SDR39U1: variants seen among roughly 807,000 people sequenced by gnomAD.
SDR39U1 encodes the protein short chain dehydrogenase/reductase family 39U member 1.
A neutral mutation model predicts 31.7 loss-of-function variants in SDR39U1; 29 were observed. The observed-to-expected ratio is 0.92, with a 90% CI of 0.68 to 1.25. The LOEUF (loss-of-function observed/expected upper bound fraction) is 1.25. SDR39U1 is among the 50% of genes most tolerant of loss of function. SDR39U1 has a pLI of 0.00. For synonymous variants in SDR39U1, 147 were observed against 159.0 expected (o/e 0.92, Z 0.57); for missense variants, 403 against 378.4 (o/e 1.06, Z -0.54).
intron 3 of SDR39U1, 185 bp downstream of exon 3, chr14:24,441,993 A>C: frequency 7.1e-7 from 1 of 1,417,560 alleles, no homozygotes; most frequent in African/African-American, 1.4e-5. Flanking sequence ...GTGAGGACTT[A>C]AGCCAATTGG....
At position 24,440,253 on chromosome 14, in the gene SDR39U1, G is replaced by A. The variant is rs976930611; in HGVS notation, c.712C>T (p.Arg238Cys). Reference protein sequence around the residue: ...FAQTLGAALGRRAFIPLPSAV... With the variant: ...FAQTLGAALGCRAFIPLPSAV... The stretch of plus-strand genomic sequence containing the variant: ...CTGGGGAGAGGGATGAAGGCTCGGC[G>A]GCCCAGGGCAGCACCCAAGGTCTGG... Residue 238 changes from arginine to cysteine, a missense_variant, in exon 6 of 6, where the codon CGC (arginine) becomes TGC (cysteine). By Grantham distance (180) the Arg-to-Cys change is radical (BLOSUM62 -3). Coordinates refer to ENST00000399395, the MANE Select transcript of SDR39U1 (RefSeq NM_020195.3). 8 of 1,613,798 alleles carry A rather than the reference G, an allele frequency of 5.0e-6. No individual in the cohort carries two copies. The highest frequency in any genetic ancestry group is 2.7e-5 in the African/African-American group (2 of 75,030).
chr14:24,441,246 T>G, intron 4 of SDR39U1: 2 of 470,010 alleles, frequency 4.3e-6, no homozygotes, highest in Non-Finnish European at 7.7e-6. Context: ...TTAACCTCTC[T>G]GTATAGAATT....
intron 5 of SDR39U1, 56 bp downstream of exon 5, chr14:24,440,727 T>C: frequency 1.9e-6 from 3 of 1,588,046 alleles, no homozygotes; most frequent in Non-Finnish European, 2.6e-6. Context: ...TCCCATCACT[T>C]CCCCAGCCCA....
rs759336437 is a variant in SDR39U1, at chr14:24,442,504, G to A, written c.17-52C>T. On this transcript the variant is annotated intron_variant, in intron 1 of 5. Transcript: ENST00000399395. The stretch of plus-strand genomic sequence containing the variant: ...ATTCCCGTGGAGTTGGGGTGGGGGC[G>A]CCTTCCGTCCCCGCTGTGGCACCCT... 1.9e-5 allele frequency: 29 copies of A among 1,508,330 alleles called. No individual in the cohort carries two copies. In the South Asian group the frequency reaches 2.9e-4, roughly 15 times the overall value. 93.4% of individuals were successfully genotyped at this position (1,508,330 alleles called of 1,614,324 possible).
chr14:24,441,052 T>A (rs1262901177), intron 4 of SDR39U1, 126 bp from the exon 5 acceptor site: 3 of 1,060,720 alleles, frequency 2.8e-6, no homozygotes, highest in Non-Finnish European at 4.3e-6. Context: ...ACAGAGCCAT[T>A]TGGATATTTT....
chr14:24,440,877 T>G lies in SDR39U1; in HGVS notation c.378A>C (p.Gly126=). The G allele has an allele frequency of 6.2e-7, 1 of 1,614,016 alleles. No individual in the cohort carries two copies. Among genetic ancestry groups the G allele is most frequent in the Non-Finnish European group, 8.5e-7 (1 of 1,179,884 alleles). Residue 126 remains glycine, a synonymous_variant, in exon 5 of 6, where the codon GGA becomes GGC. Transcript: ENST00000399395. ...LTAEYDEDSP[G]GDFDFFSNLV... ...GGTTGGAGAAAAAGTCAAAGTCCCC[T>G]CCTGGGCTGTCTTCATCATACTCCG...
rs764537115 is a variant in SDR39U1, at chr14:24,440,160, G to A, written c.805C>T (p.Pro269Ser). Residue 269 changes from proline (P) to serine (S), a missense_variant, in exon 6 of 6, where the codon CCA (proline) becomes TCA (serine). Physicochemically the swap from Pro to Ser is moderately conservative, Grantham distance 74. Coordinates refer to ENST00000399395, the MANE Select transcript of SDR39U1 (RefSeq NM_020195.3). ...IMLLEGQKVI[P>S]QRTLATGYQY... ...TAGCCAGTGGCCAGTGTTCGCTGTG[G>A]GATCACCTTCTGGCCCTCCAGCAGC... is the stretch of plus-strand genomic sequence containing the variant. 1.9e-6 allele frequency: 3 copies of A among 1,613,602 alleles called. No individual in the cohort carries two copies. Among genetic ancestry groups the A allele is most frequent in the Non-Finnish European group, 1.7e-6 (2 of 1,179,710 alleles).
intron 5 of SDR39U1, 32 bp from the exon 6 acceptor site, chr14:24,440,524 C>A: frequency 6.3e-7 from 1 of 1,577,146 alleles, no homozygotes; most frequent in Non-Finnish European, 8.6e-7. Flanking sequence ...GTACAGGGGT[C>A]CTCTCAGCCT....
rs761000188 is a variant in SDR39U1, at chr14:24,441,686, C to G, written c.316G>C (p.Val106Leu). 23 of 1,587,168 alleles carry G rather than the reference C, an allele frequency of 1.4e-5. No homozygotes were observed. The highest frequency in any genetic ancestry group is 1.6e-5 in the Non-Finnish European group (19 of 1,172,622). Residue 106 changes from valine to leucine, a missense_variant, in exon 4 of 6, where the codon GTC (valine) becomes CTC (leucine). By Grantham distance (32) the Val-to-Leu change is conservative. Coordinates refer to ENST00000399395, the MANE Select transcript of SDR39U1 (RefSeq NM_020195.3). ...APQPPKAWVLVTGVAYYQPSL... is the reference protein window; with the variant it reads ...APQPPKAWVLLTGVAYYQPSL... ...TTGGGGGGCGTACCTACACCTGTGA[C>G]TAAGACCCAGGCCTTGGGGGGTTGT...
chr14:24,440,748 T>A (rs776791842), intron 5 of SDR39U1, 35 bp downstream of exon 5: 2 of 1,609,968 alleles, frequency 1.2e-6, no homozygotes, highest in East Asian at 4.5e-5. Flanking sequence ...GAGAAGACAT[T>A]CCAACCCTGT....
At chr14:24,440,610 G>T (rs2043304172) in intron 5 of SDR39U1, 118 bp from the exon 6 acceptor site, 2 of 1,389,978 alleles carry the variant, frequency 1.4e-6, no homozygotes, top group Admixed American at 2.1e-5. Flanking sequence ...CTCTGTAACA[G>T]AAGTGAGCAG....
At chr14:24,441,093 T>C (rs1245216878) in intron 4 of SDR39U1, 167 bp from the exon 5 acceptor site, 3 of 730,094 alleles carry the variant, frequency 4.1e-6, no homozygotes, top group Non-Finnish European at 4.6e-6. Context: ...CCTGAAGCGT[T>C]CCTTCCCTGG....
chr14:24,439,927 A>G lies in SDR39U1; in HGVS notation c.*156T>C. On this transcript the variant is annotated 3_prime_UTR_variant, in exon 6 of 6. Coordinates refer to ENST00000399395, the MANE Select transcript of SDR39U1 (RefSeq NM_020195.3). ...CCAACCTGATGAGATTACGGCCTTG[A>G]GACAATAAGGTGGAGCAACAGAACA... is the stretch of plus-strand genomic sequence containing the variant. 1.6e-6 allele frequency: 1 copy of G among 624,684 alleles called. No homozygotes were observed. 38.7% of individuals were successfully genotyped at this position (624,684 alleles called of 1,614,324 possible).
intron 1 of SDR39U1, 131 bp downstream of exon 1, chr14:24,442,623 T>C (rs2043385355): frequency 2.3e-6 from 3 of 1,304,586 alleles, no homozygotes; most frequent in Non-Finnish European, 3.3e-6. Context: ...ATTAGGGAGA[T>C]TCGGCTTCTC....
rs1354114766 is a variant in SDR39U1, at chr14:24,440,143, G to C, written c.822C>G (p.Ala274=). The C allele has an allele frequency of 6.2e-7, 1 of 1,613,226 alleles. No homozygotes were observed. Among genetic ancestry groups the C allele is most frequent in the African/African-American group, 1.3e-5 (1 of 74,942 alleles). The change falls in exon 6 of 6, where the codon GCC becomes GCG. Residue 274 remains alanine (A), a synonymous_variant. Coordinates refer to ENST00000399395, the MANE Select transcript of SDR39U1 (RefSeq NM_020195.3). ...GQKVIPQRTL[A]TGYQYSFPEL... ...CTGGGAAGGAATACTGGTAGCCAGT[G>C]GCCAGTGTTCGCTGTGGGATCACCT... is the stretch of plus-strand genomic sequence containing the variant.
At chr14:24,440,614 T>G (rs1446646656) in intron 5 of SDR39U1, 122 bp from the exon 6 acceptor site, 1 of 1,374,794 alleles carries the variant, frequency 7.3e-7, no homozygotes, top group Non-Finnish European at 1.0e-6. Context: ...GTAACAGAAG[T>G]GAGCAGTATG....
chr14:24,439,897 A>G lies in SDR39U1; in HGVS notation c.*186T>C, dbSNP rs2043268435. 1.8e-6 allele frequency: 1 copy of G among 554,918 alleles called. No homozygotes were observed. The highest frequency in any genetic ancestry group is 3.1e-6 in the Non-Finnish European group (1 of 319,758). 34.4% of individuals were successfully genotyped at this position (554,918 alleles called of 1,614,324 possible). On this transcript the variant is annotated 3_prime_UTR_variant, in exon 6 of 6. Transcript: ENST00000399395. ...ATCTTACAAGGAGTTGAAAAGATTA[A>G]TGTCCCAACCTGATGAGATTACGGC...
chr14:24,441,002 G>T, intron 4 of SDR39U1, 76 bp from the exon 5 acceptor site: 1 of 1,529,846 alleles, frequency 6.5e-7, no homozygotes, highest in Non-Finnish European at 9.0e-7. Context: ...GCTCCCCTTG[G>T]CCTCACCTTC....
At position 24,440,265 on chromosome 14, in the gene SDR39U1, C is replaced by A; in HGVS notation, c.700G>T (p.Ala234Ser). The change falls in exon 6 of 6, where the codon GCT becomes TCT. Residue 234 changes from alanine (A) to serine (S), a missense_variant. Ala to Ser is a moderately conservative substitution (Grantham distance 99). Transcript: ENST00000399395. ...ATGAAGGCTCGGCGGCCCAGGGCAG[C>A]ACCCAAGGTCTGGGCAAACTCAGCA... ...TNAEFAQTLGAALGRRAFIPL... is the reference protein window; with the variant it reads ...TNAEFAQTLGSALGRRAFIPL... 1 of 1,613,992 alleles carries A rather than the reference C, an allele frequency of 6.2e-7. No homozygotes were observed. The highest frequency in any genetic ancestry group is 8.5e-7 in the Non-Finnish European group (1 of 1,179,854).
Sources: allele counts gnomAD v4.1 joint callset, GRCh38; gene constraint gnomAD v4.1.1; transcripts MANE v1.5; gene names NCBI Gene and HGNC (gene_info 2026-07-23, HGNC 2026-07-21).